MRAP2: variants seen among roughly 807,000 people sequenced by gnomAD.
The protein encoded by MRAP2 is melanocortin-2 receptor accessory protein 2.
In MRAP2, 20 loss-of-function variants were observed where a neutral mutation model predicts 17.4. That is an observed-to-expected ratio of 1.15 (90% CI 0.81 to 1.67). The LOEUF (loss-of-function observed/expected upper bound fraction) is 1.67, where lower values mean the gene tolerates loss of function less well. Among genes scored for constraint, MRAP2 ranks in the 40% most tolerant of loss-of-function variants. MRAP2 has a pLI of 0.00. For synonymous variants in MRAP2, 96 were observed against 88.4 expected (o/e 1.09, Z -0.48); for missense variants, 238 against 240.0 (o/e 0.99, Z 0.05).
At chr6:84,136,490 A>T in the MRAP2 span, among the ~76,000 whole-genome samples, 1 of 152,202 alleles carries the variant, frequency 6.6e-6, no homozygotes, top group Non-Finnish European at 1.5e-5. Flanking sequence ...AACTAAATTT[A>T]AACATAAGTT....
In MRAP2 at chr6:84,038,279, T is replaced by C. The variant is rs943817292; in HGVS notation, c.-8+4396T>C. Among the ~76,000 whole-genome samples, 3 of 152,296 alleles carry C rather than the reference T, an allele frequency of 2.0e-5. No homozygotes were observed. In the East Asian group the frequency reaches 5.8e-4, roughly 29 times the overall value. ...AGTTAATTCAGTCCTTTCCTCCTGC[T>C]TTGGTCTTGGAGTGATGTGAAACTA... is the stretch of plus-strand genomic sequence containing the variant. On this transcript the variant is annotated intron_variant, in intron 1 of 3. Transcript: ENST00000257776.
intron 3 of MRAP2, among the ~76,000 whole-genome samples, chr6:84,086,764 G>A (rs1385568525): frequency 4.6e-5 from 7 of 152,168 alleles, no homozygotes; most frequent in Admixed American, 3.3e-4. Flanking sequence ...GGGCTTTAAT[G>A]TCCACTGCCT....
the MRAP2 span, among the ~76,000 whole-genome samples, chr6:84,100,007 A>G: frequency 4.6e-5 from 7 of 151,982 alleles, no homozygotes; most frequent in African/African-American, 1.7e-4. Flanking sequence ...TTACAGGCGC[A>G]TGCCCCCATG....
rs766035936 is a variant in MRAP2 at position 84,089,134 on chromosome 6, G to A, written c.271G>A (p.Val91Met). Reference sequence around the variant, plus strand: ...GAAGAGATTCAGAATGAACAGCTTTGTGTCAGACTTTGGAAGACCTCTGGA... The same window carrying A: ...GAAGAGATTCAGAATGAACAGCTTTATGTCAGACTTTGGAAGACCTCTGGA... ...SEKRFRMNSF[V>M]SDFGRPLEPD... The change falls in exon 4 of 4, where the codon GTG becomes ATG. Residue 91 changes from valine to methionine, a missense_variant. Val to Met is a conservative substitution (Grantham distance 21). Transcript: ENST00000257776. The A allele has an allele frequency of 1.2e-5, 20 of 1,614,146 alleles. No homozygotes were observed. The South Asian group carries it at 1.8e-4, about 14-fold the overall frequency.
chr6:84,139,547 G>C, the MRAP2 span, among the ~76,000 whole-genome samples: 2 of 152,250 alleles, frequency 1.3e-5, no homozygotes, highest in African/African-American at 4.8e-5. Context: ...AATGCAGATG[G>C]GACTTTCTGG....
intron 3 of MRAP2, 140 bp downstream of exon 3, chr6:84,063,132 C>T: frequency 6.8e-7 from 1 of 1,464,266 alleles, no homozygotes; most frequent in Non-Finnish European, 9.0e-7. Context: ...ACCCAGATGC[C>T]CGTGGATGGG....
intron 1 of MRAP2, among the ~76,000 whole-genome samples, chr6:84,044,815 C>T (rs972070694): frequency 5.3e-5 from 8 of 152,220 alleles, no homozygotes; most frequent in South Asian, 2.1e-4. Flanking sequence ...TCAGTACATA[C>T]GGCACCTTAT....
In MRAP2 at chr6:84,073,159, C is replaced by T. The variant is rs1458285771; in HGVS notation, c.227+10167C>T. On this transcript the variant is annotated intron_variant, in intron 3 of 3. Transcript: ENST00000257776. ...TTTCCTTCTCCCTGTGGTGTTTCTC[C>T]CCCTGATCCCCTGGCTCCTCTGGCC... is the stretch of plus-strand genomic sequence containing the variant. Among the ~76,000 whole-genome samples, 3 of 152,276 alleles carry T rather than the reference C, an allele frequency of 2.0e-5. No homozygotes were observed. The East Asian group carries it at 5.8e-4, about 29-fold the overall frequency.
chr6:84,101,730 G>C, the MRAP2 span, among the ~76,000 whole-genome samples: 1 of 152,016 alleles, frequency 6.6e-6, no homozygotes, highest in East Asian at 1.9e-4. Flanking sequence ...CTTGATTAGT[G>C]GTTAAAGAAA....
intron 3 of MRAP2, among the ~76,000 whole-genome samples, chr6:84,064,787 G>A (rs891449294): frequency 2.6e-5 from 4 of 152,084 alleles, no homozygotes; most frequent in South Asian, 2.1e-4. Context: ...GCGCCGGGCC[G>A]AATCCTGGCA....
At chr6:84,080,487 G>A (rs1319533263) in intron 3 of MRAP2, among the ~76,000 whole-genome samples, 4 of 152,176 alleles carry the variant, frequency 2.6e-5, no homozygotes, top group African/African-American at 9.6e-5. Flanking sequence ...TACCTGTACT[G>A]GTTTGGTTTA....
the MRAP2 span, among the ~76,000 whole-genome samples, chr6:84,126,963 C>T: frequency 6.6e-6 from 1 of 152,138 alleles, no homozygotes; most frequent in African/African-American, 2.4e-5. Context: ...TTGTAATTCT[C>T]TATGGCCCTT....
At chr6:84,042,314 T>C (rs527804076) in intron 1 of MRAP2, among the ~76,000 whole-genome samples, 2 of 152,286 alleles carry the variant, frequency 1.3e-5, no homozygotes, top group South Asian at 4.2e-4. Flanking sequence ...GTCTCAGGTA[T>C]GTCTTTATTA....
intron 1 of MRAP2, among the ~76,000 whole-genome samples, chr6:84,041,057 G>C (rs994262111): frequency 1.3e-5 from 2 of 152,182 alleles, no homozygotes; most frequent in Admixed American, 6.5e-5. Flanking sequence ...TGTGGGCTGG[G>C]TTCAGGCCCC....
At chr6:84,120,718 G>C in the MRAP2 span, among the ~76,000 whole-genome samples, 1 of 152,102 alleles carries the variant, frequency 6.6e-6, no homozygotes, top group Non-Finnish European at 1.5e-5. Flanking sequence ...CTTGCATTTG[G>C]AATGAATGGC....
At chr6:84,049,325 T>C (rs1403183078) in intron 1 of MRAP2, among the ~76,000 whole-genome samples, 3 of 151,996 alleles carry the variant, frequency 2.0e-5, no homozygotes, top group African/African-American at 7.2e-5. Context: ...CTAGGGAAGC[T>C]GAGGCAGGAG....
the MRAP2 span, among the ~76,000 whole-genome samples, chr6:84,119,470 T>C: frequency 1.3e-5 from 2 of 152,338 alleles, no homozygotes; most frequent in African/African-American, 4.8e-5. Flanking sequence ...GTGTTTATTT[T>C]CAGCAATTAC....
the MRAP2 span, among the ~76,000 whole-genome samples, chr6:84,145,125 T>G: frequency 6.6e-6 from 1 of 152,110 alleles, no homozygotes; most frequent in Non-Finnish European, 1.5e-5. Context: ...AAAACTGGCT[T>G]GGTACCTTAC....
the MRAP2 span, among the ~76,000 whole-genome samples, chr6:84,131,665 CTT>C: frequency 1.3e-5 from 2 of 149,788 alleles, no homozygotes; most frequent in African/African-American, 4.9e-5. Flanking sequence ...GCAACCGCTG[CTT>C]TTTTTTTGTT....
Sources: allele counts gnomAD v4.1 joint callset (sites outside exome capture counted in the v4.1 genomes callset), GRCh38; gene constraint gnomAD v4.1.1; transcripts MANE v1.5; gene names NCBI Gene and HGNC (gene_info 2026-07-23, HGNC 2026-07-21).